Variants in YTHDF1 observed in about 807,000 individuals in gnomAD.
YTHDF1 encodes the protein YTH domain-containing family protein 1.
Under a neutral mutation model 49.1 loss-of-function variants are expected in YTHDF1, and 16 were observed. That is an observed-to-expected ratio of 0.33 (90% CI 0.22 to 0.49). The LOEUF is 0.49. Ranked by LOEUF, YTHDF1 falls within the 20% of genes least tolerant of loss-of-function variation. The pLI, the probability that YTHDF1 is intolerant of heterozygous loss-of-function variation, is 0.99. For synonymous variants in YTHDF1, 313 were observed against 290.1 expected, an observed-to-expected ratio of 1.08 and a Z score of -0.80; for missense variants, 621 against 744.3, an observed-to-expected ratio of 0.83 and a Z score of 1.93.
Position 63,202,849 on chromosome 20 carries a change from G to A in YTHDF1, c.1091C>T (p.Ser364Phe). The A allele has an allele frequency of 1.2e-6, 2 of 1,613,934 alleles. No individual in the cohort carries two copies. Among genetic ancestry groups the A allele is most frequent in the Non-Finnish European group, 1.7e-6 (2 of 1,180,052 alleles). Residue 364 changes from serine to phenylalanine, a missense_variant, in exon 4 of 5, where the codon TCC (serine) becomes TTC (phenylalanine). Ser to Phe is a radical substitution (Grantham distance 155, BLOSUM62 -2). Coordinates refer to ENST00000370339, the MANE Select transcript of YTHDF1 (RefSeq NM_017798.4). ...CTTCAGTTTTTCAAGGACGGGGTGG[G>A]ATTCGACGCTGGGGGCAGAATTAGG... ...VQPNSAPSVE[S>F]HPVLEKLKAA...
intron 2 of YTHDF1, 96 bp downstream of exon 2, chr20:63,215,477 AAGAG>A (rs1187934562): frequency 8.5e-6 from 13 of 1,521,072 alleles, no homozygotes; most frequent in Non-Finnish European, 1.2e-5. Flanking sequence ...AAGCTGGCGG[AAGAG>A]AGAAAGTTTC....
Position 63,196,694 on chromosome 20 carries a change from A to C in YTHDF1, c.*14T>G. 1 of 1,613,942 alleles carries C rather than the reference A, an allele frequency of 6.2e-7. No individual in the cohort carries two copies. The highest frequency in any genetic ancestry group is 8.5e-7 in the Non-Finnish European group (1 of 1,179,920). On this transcript the variant is annotated 3_prime_UTR_variant, in exon 5 of 5. Transcript: ENST00000370339. The stretch of plus-strand genomic sequence containing the variant: ...AAAGTCAAACGTTAGAACATGTAAG[A>C]AACTGGTTCGCCCTCATTGTTTGTT...
intron 4 of YTHDF1, among the ~76,000 whole-genome samples, chr20:63,197,981 T>C (rs2066500167): frequency 6.6e-6 from 1 of 152,162 alleles, no homozygotes; most frequent in Non-Finnish European, 1.5e-5. Flanking sequence ...GATGTGGTGT[T>C]CCCTGTCCCG....
In YTHDF1 at chr20:63,196,707, CTCAT is replaced by C; in HGVS notation, c.1677_1680del (p.Ter560GlyfsTer9). On this transcript the variant is annotated frameshift_variant and stop_lost, in exon 5 of 5. Coordinates refer to ENST00000370339, the MANE Select transcript of YTHDF1 (RefSeq NM_017798.4). LOFTEE classifies it high-confidence loss of function. ...AGAACATGTAAGAAACTGGTTCGCCCTCATTGTTTGTTTCGACTCTGCCGTTCCT... is the reference window on the plus strand; with the variant it reads ...AGAACATGTAAGAAACTGGTTCGCCCTGTTTGTTTCGACTCTGCCGTTCCT... The C allele has an allele frequency of 6.2e-7, 1 of 1,614,010 alleles. No homozygotes were observed. The highest frequency in any genetic ancestry group is 8.5e-7 in the Non-Finnish European group (1 of 1,179,962).
chr20:63,212,294 C>G (rs974730871), intron 3 of YTHDF1, among the ~76,000 whole-genome samples: 2 of 152,312 alleles, frequency 1.3e-5, no homozygotes, highest in Admixed American at 1.3e-4. Flanking sequence ...GTTTCTTGGT[C>G]TCTAAGCTGC....
chr20:63,199,518 TA>T lies in YTHDF1; in HGVS notation c.1653+2768del, dbSNP rs11386506. Among the ~76,000 whole-genome samples, 200 of 138,364 alleles carry T rather than the reference TA, an allele frequency of 1.4e-3. No homozygotes were observed. In the South Asian group the frequency reaches 0.015, roughly 11 times the overall value. The allele number at this position is 138,364 out of a possible 152,430, so 90.8% of individuals were successfully genotyped here. On this transcript the variant is annotated intron_variant, in intron 4 of 4. Coordinates refer to ENST00000370339, the MANE Select transcript of YTHDF1 (RefSeq NM_017798.4). ...TGGGCAACAGTGCAAGATTCTGTCT[TA>T]AAAAAAAAAAAAACAAAACAAAACT...
At position 63,202,861 on chromosome 20, in the gene YTHDF1, G is replaced by A; in HGVS notation, c.1079C>T (p.Pro360Leu). Reference protein sequence around the residue: ...SPGNVQPNSAPSVESHPVLEK... With the variant: ...SPGNVQPNSALSVESHPVLEK... ...AAGGACGGGGTGGGATTCGACGCTG[G>A]GGGCAGAATTAGGCTGGACGTTTCC... Residue 360 changes from proline to leucine, a missense_variant, in exon 4 of 5, where the codon CCC (proline) becomes CTC (leucine). Pro to Leu is a moderately conservative substitution (Grantham distance 98, BLOSUM62 -3). Coordinates refer to ENST00000370339, the MANE Select transcript of YTHDF1 (RefSeq NM_017798.4). 6.2e-7 allele frequency: 1 copy of A among 1,613,926 alleles called. No homozygotes were observed. The highest frequency in any genetic ancestry group is 1.1e-5 in the South Asian group (1 of 91,088).
rs776052580 is a variant in YTHDF1 at position 63,213,941 on chromosome 20, G to C, written c.55C>G (p.Gln19Glu). The change falls in exon 3 of 5, where the codon CAA (glutamine) becomes GAA (glutamate). Residue 19 changes from glutamine (Q) to glutamate (E), a missense_variant and splice_region_variant. By Grantham distance (29) the Gln-to-Glu change is conservative. Coordinates refer to ENST00000370339, the MANE Select transcript of YTHDF1 (RefSeq NM_017798.4). The stretch of plus-strand genomic sequence containing the variant: ...TCCTTCTGATGTAACGAACCATTTT[G>C]TACTAGAACAAAAAGTTGCAAAATA... Reference protein sequence around the residue: ...QRTKGQDNKVQNGSLHQKDTV... With the variant: ...QRTKGQDNKVENGSLHQKDTV... 1.3e-6 allele frequency: 2 copies of C among 1,567,960 alleles called. No individual in the cohort carries two copies. Among genetic ancestry groups the C allele is most frequent in the South Asian group, 1.2e-5 (1 of 83,774 alleles).
rs534172624 is a variant in YTHDF1, at chr20:63,196,731, G to A, written c.1657C>T (p.Arg553Trp). Reference sequence around the variant, plus strand: ...CCTCATTGTTTGTTTCGACTCTGCCGTTCCTGTAAAAAGAAAAAACAAAAG... The same window carrying A: ...CCTCATTGTTTGTTTCGACTCTGCCATTCCTGTAAAAAGAAAAAACAAAAG... ...QEEEEVVRKE[R>W]QSRNKQ The change falls in exon 5 of 5, where the codon CGG becomes TGG. Residue 553 changes from arginine to tryptophan, a missense_variant. Physicochemically the swap from Arg to Trp is moderately radical, Grantham distance 101. Transcript: ENST00000370339. The A allele has an allele frequency of 1.4e-5, 22 of 1,613,652 alleles. No individual in the cohort carries two copies. The highest frequency in any genetic ancestry group is 1.7e-4 in the Middle Eastern group (1 of 6,058).
At chr20:63,212,429 T>C (rs1044629869) in intron 3 of YTHDF1, among the ~76,000 whole-genome samples, 3 of 152,246 alleles carry the variant, frequency 2.0e-5, no homozygotes, top group Non-Finnish European at 2.9e-5. Flanking sequence ...CTGGTTTTAC[T>C]TTAAAGTAAA....
chr20:63,209,708 TCAAAA>T (rs761029715), intron 3 of YTHDF1, among the ~76,000 whole-genome samples: 26 of 152,024 alleles, frequency 1.7e-4, no homozygotes, highest in Non-Finnish European at 1.8e-4. Context: ...AGACCCTGCC[TCAAAA>T]CAAAACAAAA....
At chr20:63,209,350 A>C (rs2066562994) in intron 3 of YTHDF1, among the ~76,000 whole-genome samples, 1 of 152,262 alleles carries the variant, frequency 6.6e-6, no homozygotes, top group African/African-American at 2.4e-5. Flanking sequence ...AAAAGCTTTA[A>C]GGTTTTTGAC....
Position 63,213,989 on chromosome 20 carries a change from T to A in YTHDF1, c.53-46A>T, listed in dbSNP as rs1187799620. On this transcript the variant is annotated intron_variant, in intron 2 of 4. Transcript: ENST00000370339. ...ATATTACCCTCAAATTTTAAAAGATTACTTTTAAGCTTGGAAGGCAAAGTT... is the reference window on the plus strand; with the variant it reads ...ATATTACCCTCAAATTTTAAAAGATAACTTTTAAGCTTGGAAGGCAAAGTT... 3 of 1,552,130 alleles carry A rather than the reference T, an allele frequency of 1.9e-6. No individual in the cohort carries two copies. In the African/African-American group the frequency reaches 4.2e-5, roughly 22 times the overall value.
chr20:63,215,201 G>A (rs1310040131), intron 2 of YTHDF1, among the ~76,000 whole-genome samples: 2 of 152,210 alleles, frequency 1.3e-5, no homozygotes, highest in Non-Finnish European at 2.9e-5. Flanking sequence ...TACCGGGGAT[G>A]TGGAGCTTAG....
At chr20:63,206,178 C>T (rs748414642) in intron 3 of YTHDF1, among the ~76,000 whole-genome samples, 19 of 152,198 alleles carry the variant, frequency 1.2e-4, no homozygotes, top group Non-Finnish European at 2.2e-4. Flanking sequence ...TCCTCAGCAG[C>T]GCTGCAATCA....
rs1353908449 is a variant in YTHDF1 at position 63,195,668 on chromosome 20, G to C, written c.*1040C>G. 1 of 152,566 alleles carries C rather than the reference G, an allele frequency of 6.6e-6. No individual in the cohort carries two copies. Among genetic ancestry groups the C allele is most frequent in the African/African-American group, 2.4e-5 (1 of 41,442 alleles). The allele number at this position is 152,566 out of a possible 1,614,324, so 9.5% of individuals were successfully genotyped here. A position where few individuals can be genotyped will look rare whatever the true frequency, so the allele number is the denominator to read the frequency against. ...AGGGCACGTGCAGATCCAGGCGCTG[G>C]AGCGTCAGGCATGGGCACCATTTTC... On this transcript the variant is annotated 3_prime_UTR_variant, in exon 5 of 5. Transcript: ENST00000370339.
chr20:63,212,639 C>T (rs2066580452), intron 3 of YTHDF1, among the ~76,000 whole-genome samples: 1 of 152,200 alleles, frequency 6.6e-6, no homozygotes, highest in Admixed American at 6.5e-5. Context: ...AGTCTGATTC[C>T]CGAGTTGGAC....
At chr20:63,201,791 A>G (rs2066518520) in intron 4 of YTHDF1, among the ~76,000 whole-genome samples, 2 of 152,212 alleles carry the variant, frequency 1.3e-5, no homozygotes, top group Admixed American at 1.3e-4. Context: ...AAGACCAGAG[A>G]TTCCCAACTA....
chr20:63,210,731 T>C (rs1373774709), intron 3 of YTHDF1, among the ~76,000 whole-genome samples: 2 of 152,040 alleles, frequency 1.3e-5, no homozygotes, highest in African/African-American at 4.8e-5. Flanking sequence ...GAGGCTGCAG[T>C]GAGCTGAGAT....
Sources: gnomAD v4.1 joint callset for allele counts (sites outside exome capture counted in the v4.1 genomes callset) on GRCh38, gnomAD v4.1.1 for gene constraint, MANE v1.5 for transcripts, NCBI Gene and HGNC (gene_info 2026-07-23, HGNC 2026-07-21) for gene names.